Variants in SRFBP1 observed in about 807,000 individuals in gnomAD.
SRFBP1 encodes serum response factor-binding protein 1.
In SRFBP1, 47 loss-of-function variants were observed where a neutral mutation model predicts 45.5. The observed-to-expected ratio is 1.03, with a 90% CI of 0.82 to 1.32. The LOEUF (loss-of-function observed/expected upper bound fraction) is 1.32. SRFBP1 is among the 40% of genes most tolerant of loss of function. The pLI is 0.00. For missense variants in SRFBP1, 621 were observed against 484.6 expected (o/e 1.28, Z -2.64); for synonymous variants, 203 against 166.3 (o/e 1.22, Z -1.70).
intron 3 of SRFBP1, among the ~76,000 whole-genome samples, chr5:121,983,534 C>T (rs1752455310): frequency 6.6e-6 from 1 of 151,670 alleles, no homozygotes; most frequent in Non-Finnish European, 1.5e-5. Context: ...TATGGTAAAA[C>T]TTCATTTGAC....
chr5:122,061,754 A>G (rs1336593220), intron 2 of SRFBP1, among the ~76,000 whole-genome samples: 1 of 151,988 alleles, frequency 6.6e-6, no homozygotes, highest in Admixed American at 6.6e-5. Flanking sequence ...TTTTTCTAAA[A>G]TAGAACATGG....
Position 121,974,388 on chromosome 5 carries a change from T to A in SRFBP1, c.125+104T>A, listed in dbSNP as rs1476282325. On this transcript the variant is annotated intron_variant, in intron 2 of 7. Coordinates refer to ENST00000339397, the MANE Select transcript of SRFBP1 (RefSeq NM_152546.3). ...GGTGGGATATAGAGAAGTAATTAAA[T>A]GTCTTATACACCATTTTTGTTTTGT... 4.0e-6 allele frequency: 3 copies of A among 758,520 alleles called. No homozygotes were observed. In the East Asian group the frequency reaches 8.2e-5, roughly 21 times the overall value. 47.0% of individuals were successfully genotyped at this position (758,520 alleles called of 1,614,324 possible).
chr5:122,026,184 GTC>G (rs966616902), intron 7 of SRFBP1, among the ~76,000 whole-genome samples: 32 of 152,246 alleles, frequency 2.1e-4, no homozygotes, highest in African/African-American at 7.0e-4. Context: ...AAGTTTTTTT[GTC>G]TCTCTTTTTC....
chr5:122,003,551 C>G (rs140755386), intron 4 of SRFBP1, among the ~76,000 whole-genome samples: 99 of 152,142 alleles, frequency 6.5e-4, no homozygotes, highest in African/African-American at 2.0e-3. Flanking sequence ...GATTTCCTTT[C>G]CTTTGGATAT....
intron 2 of SRFBP1, among the ~76,000 whole-genome samples, chr5:122,034,773 TAAAAAA>T (rs946995434): frequency 6.9e-6 from 1 of 145,800 alleles, no homozygotes; most frequent in Non-Finnish European, 1.5e-5. Flanking sequence ...GCAGATTTCT[TAAAAAA>T]AAAAAGACTC....
chr5:122,022,500 T>G, intron 7 of SRFBP1, 93 bp downstream of exon 7: 1 of 1,016,148 alleles, frequency 9.8e-7, no homozygotes, highest in South Asian at 1.7e-5. Flanking sequence ...TAATATAGCC[T>G]GAATGAATTA....
Position 122,070,432 on chromosome 5 carries a change from C to G in SRFBP1, n.312-4883C>G, listed in dbSNP as rs1419032930. The G allele has an allele frequency of 3.4e-6, 3 of 874,202 alleles. No homozygotes were observed. In the African/African-American group the frequency reaches 5.1e-5, roughly 15 times the overall value. 54.2% of individuals were successfully genotyped at this position (874,202 alleles called of 1,614,324 possible). ...TACCATGATTATTTAACATTTGAATCCAGAGAAGAGGGCCTATTGATCTGC... is the reference window on the plus strand; with the variant it reads ...TACCATGATTATTTAACATTTGAATGCAGAGAAGAGGGCCTATTGATCTGC... On this transcript the variant is annotated intron_variant and non_coding_transcript_variant, in intron 2 of 2. Coordinates refer to the SRFBP1 transcript ENST00000504881.
chr5:122,041,073 A>C (rs955325948), intron 2 of SRFBP1, among the ~76,000 whole-genome samples: 3 of 152,160 alleles, frequency 2.0e-5, no homozygotes, highest in Admixed American at 6.5e-5. Context: ...TTTCGAAAAT[A>C]TGCATAAGTT....
intron 2 of SRFBP1, among the ~76,000 whole-genome samples, chr5:122,058,666 C>T (rs926631532): frequency 1.3e-5 from 2 of 151,888 alleles, no homozygotes; most frequent in African/African-American, 4.8e-5. Flanking sequence ...TAACACACTT[C>T]CCCTTAACTA....
chr5:121,976,052 T>C (rs1184385315), intron 3 of SRFBP1, among the ~76,000 whole-genome samples: 1 of 152,006 alleles, frequency 6.6e-6, no homozygotes, highest in Admixed American at 6.6e-5. Flanking sequence ...AATTGCAGGG[T>C]CATTTTGCAT....
chr5:122,071,823 G>A (rs1031077162), intron 2 of SRFBP1, among the ~76,000 whole-genome samples: 3 of 152,128 alleles, frequency 2.0e-5, no homozygotes, highest in Non-Finnish European at 4.4e-5. Context: ...CTCTACCAAT[G>A]CTGGTTTAGC....
downstream of SRFBP1, chr5:122,076,786 C>G (rs993585576): frequency 1.7e-5 from 15 of 907,262 alleles, no homozygotes; most frequent in East Asian, 2.5e-5. Flanking sequence ...GCTCTTGTCC[C>G]ACTTCCTAAC....
At chr5:122,036,685 GACA>G (rs1307535099) in intron 2 of SRFBP1, among the ~76,000 whole-genome samples, 1 of 152,130 alleles carries the variant, frequency 6.6e-6, no homozygotes, top group African/African-American at 2.4e-5. Flanking sequence ...TTCCCTGGTT[GACA>G]ACATTAGTAC....
At chr5:122,046,682 A>G (rs535210132) in intron 2 of SRFBP1, among the ~76,000 whole-genome samples, 13 of 152,244 alleles carry the variant, frequency 8.5e-5, no homozygotes, top group African/African-American at 1.2e-4. Flanking sequence ...AAGTGTTCCA[A>G]TTTCTCCACA....
At chr5:122,016,553 CTA>C (rs1753197650) in intron 4 of SRFBP1, among the ~76,000 whole-genome samples, 1 of 152,112 alleles carries the variant, frequency 6.6e-6, no homozygotes, top group Admixed American at 6.6e-5. Context: ...ACTAATGTGA[CTA>C]TTTTCATATA....
chr5:122,062,295 GGT>G (rs1754184243), intron 2 of SRFBP1, among the ~76,000 whole-genome samples: 1 of 151,920 alleles, frequency 6.6e-6, no homozygotes, highest in Non-Finnish European at 1.5e-5. Flanking sequence ...TATGGGGAAA[GGT>G]CTCTGATTTT....
At chr5:122,064,691 T>G (rs1410101835) in intron 2 of SRFBP1, 1 of 151,998 alleles carries the variant, frequency 6.6e-6, no homozygotes, top group Non-Finnish European at 1.5e-5. Flanking sequence ...AATGGGATTT[T>G]TAATACTTAT....
chr5:122,009,455 G>C (rs766315631), intron 4 of SRFBP1, among the ~76,000 whole-genome samples: 1 of 151,358 alleles, frequency 6.6e-6, no homozygotes, highest in Non-Finnish European at 1.5e-5. Flanking sequence ...CTTTTATTTG[G>C]TATTTTCTTA....
chr5:121,973,500 A>G (rs1303104977), intron 1 of SRFBP1, among the ~76,000 whole-genome samples: 1 of 151,534 alleles, frequency 6.6e-6, no homozygotes, highest in African/African-American at 2.4e-5. Context: ...TATTTTTTTT[A>G]TAACTATAAT....
Sources: allele counts gnomAD v4.1 joint callset (sites outside exome capture counted in the v4.1 genomes callset), GRCh38; gene constraint gnomAD v4.1.1; transcripts MANE v1.5; gene names NCBI Gene and HGNC (gene_info 2026-07-23, HGNC 2026-07-21).